Variants in UNC80 observed in about 807,000 individuals in gnomAD.
UNC80 encodes the protein unc-80 subunit of NALCN channel complex, also known as protein unc-80 homolog.
Under a neutral mutation model 384.6 loss-of-function variants are expected in UNC80, and 164 were observed. The ratio of observed to expected loss-of-function variants is 0.43; its 90% confidence interval spans 0.38 to 0.49. UNC80 has a LOEUF of 0.49. UNC80 is among the 20% of genes least tolerant of loss of function. UNC80 has a pLI of 0.00. For synonymous variants in UNC80, 1,486 were observed against 1,527.8 expected, an observed-to-expected ratio of 0.97 and a Z score of 0.64; for missense variants, 3,330 against 4,143.0, an observed-to-expected ratio of 0.80 and a Z score of 5.39.
chr2:209,902,783 A>G (rs964825853), intron 28 of UNC80, among the ~76,000 whole-genome samples: 1 of 152,210 alleles, frequency 6.6e-6, no homozygotes, highest in African/African-American at 2.4e-5. Context: ...TATAGTGTAA[A>G]CATGATTTTT....
chr2:209,950,106 A>G (rs1326653872), intron 47 of UNC80, among the ~76,000 whole-genome samples: 1 of 152,156 alleles, frequency 6.6e-6, no homozygotes, highest in Non-Finnish European at 1.5e-5. Flanking sequence ...TGCTGGGATT[A>G]CAGGCAGAGG....
chr2:209,805,621 G>C (rs910390476), intron 7 of UNC80, among the ~76,000 whole-genome samples: 1 of 152,188 alleles, frequency 6.6e-6, no homozygotes, highest in African/African-American at 2.4e-5. Context: ...TCTCCATAGG[G>C]CTGCTCATAA....
rs147831286 is a variant in UNC80, at chr2:209,991,266, C to T, written c.9315-900C>T. Among the ~76,000 whole-genome samples, 408 of 152,254 alleles carry T rather than the reference C, an allele frequency of 2.7e-3. 9 individuals carry two copies. Among genetic ancestry groups the T allele is most frequent in the Admixed American group, 0.024 (362 of 15,288 alleles). On this transcript the variant is annotated intron_variant, in intron 61 of 64. Coordinates refer to ENST00000673920, the MANE Select transcript of UNC80 (RefSeq NM_001371986.1). ...ACCATTAACCAAATAATCACATTGG[C>T]ATCATCCACAGAATTGTAATATTCT...
rs1346333943 is a variant in UNC80, at chr2:209,817,934, G to T, written c.1675G>T (p.Glu559Ter). The change falls in exon 11 of 65, where the codon GAA becomes TAA. Residue 559 changes from glutamate to a stop codon, truncating the protein, a stop_gained. Coordinates refer to ENST00000673920, the MANE Select transcript of UNC80 (RefSeq NM_001371986.1). LOFTEE classifies it high-confidence loss of function. ...DLPDPSNSHG[E>*]NTVKEVRSQI... ...GCCGGACCCCTCCAACAGCCATGGAGAAAACACCGTCAAGGAAGGTGGGTA... is the reference window on the plus strand; with the variant it reads ...GCCGGACCCCTCCAACAGCCATGGATAAAACACCGTCAAGGAAGGTGGGTA... 6.4e-7 allele frequency: 1 copy of T among 1,551,648 alleles called. No individual in the cohort carries two copies. Among genetic ancestry groups the T allele is most frequent in the Non-Finnish European group, 8.7e-7 (1 of 1,146,962 alleles).
At position 209,777,358 on chromosome 2, in the gene UNC80, G is replaced by T; in HGVS notation, c.399G>T (p.Gly133=). 1 of 1,614,198 alleles carries T rather than the reference G, an allele frequency of 6.2e-7. No individual in the cohort carries two copies. Among genetic ancestry groups the T allele is most frequent in the Non-Finnish European group, 8.5e-7 (1 of 1,180,038 alleles). ...APQDCNNERF[G]GTDRGSSWGG... ...AGGACTGCAACAATGAGCGGTTTGG[G>T]GGTACAGACCGAGGCTCCAGCTGGG... The change falls in exon 4 of 65, where the codon GGG becomes GGT. Residue 133 remains glycine, a synonymous_variant. Coordinates refer to ENST00000673920, the MANE Select transcript of UNC80 (RefSeq NM_001371986.1).
At chr2:209,967,236 T>C (rs1471251458) in intron 51 of UNC80, among the ~76,000 whole-genome samples, 3 of 152,078 alleles carry the variant, frequency 2.0e-5, no homozygotes, top group Non-Finnish European at 4.4e-5. Context: ...ATTCTATGAT[T>C]CTCTATTAAT....
At chr2:209,809,098 C>T in intron 7 of UNC80, 1 of 522,818 alleles carries the variant, frequency 1.9e-6, no homozygotes, top group South Asian at 1.9e-5. Flanking sequence ...GTCCCCCAGC[C>T]CACGTTCACA....
At chr2:209,885,235 G>C (rs375478523) in intron 25 of UNC80, among the ~76,000 whole-genome samples, 4 of 152,060 alleles carry the variant, frequency 2.6e-5, no homozygotes, top group African/African-American at 7.2e-5. Context: ...TGGGGATGAA[G>C]GTGATACAGA....
intron 52 of UNC80, 124 bp from the exon 53 acceptor site, chr2:209,969,644 T>C (rs1352861736): frequency 3.0e-6 from 4 of 1,337,968 alleles, no homozygotes; most frequent in Non-Finnish European, 4.0e-6. Flanking sequence ...TGGAACAATA[T>C]GGGTAAACTT....
chr2:209,836,972 G>T (rs1029376528), intron 18 of UNC80, among the ~76,000 whole-genome samples: 4 of 152,080 alleles, frequency 2.6e-5, no homozygotes, highest in Non-Finnish European at 5.9e-5. Flanking sequence ...AGTCATACAC[G>T]TATCATGCCA....
At chr2:209,829,862 G>C (rs148781730) in intron 15 of UNC80, among the ~76,000 whole-genome samples, 29 of 152,238 alleles carry the variant, frequency 1.9e-4, no homozygotes, top group Middle Eastern at 6.8e-3. Context: ...ACACAATTTT[G>C]ACACACACAT....
chr2:209,779,165 G>C (rs1276086902), intron 4 of UNC80, among the ~76,000 whole-genome samples: 1 of 152,116 alleles, frequency 6.6e-6, no homozygotes, highest in African/African-American at 2.4e-5. Context: ...AATAGGGACT[G>C]TCCACCTGGC....
intron 19 of UNC80, among the ~76,000 whole-genome samples, 196 bp from the exon 20 acceptor site, chr2:209,840,346 G>T (rs929512680): frequency 6.6e-6 from 1 of 152,138 alleles, no homozygotes; most frequent in Non-Finnish European, 1.5e-5. Context: ...TTTCGTCTTG[G>T]TCCCACATGC....
At position 209,777,265 on chromosome 2, in the gene UNC80, G is replaced by A; in HGVS notation, c.306G>A (p.Gln102=). 1 of 1,592,130 alleles carries A rather than the reference G, an allele frequency of 6.3e-7. No homozygotes were observed. The highest frequency in any genetic ancestry group is 8.5e-7 in the Non-Finnish European group (1 of 1,170,392). The change falls in exon 4 of 65, where the codon CAG becomes CAA. Residue 102 remains glutamine (Q), a synonymous_variant. Coordinates refer to ENST00000673920, the MANE Select transcript of UNC80 (RefSeq NM_001371986.1). ...LLSNRNKLGH[Q]DKLGVAETKL... ...TGTAATTGTCCCATGCAGGCCACCAGGATAAATTGGGTGTTGCTGAGACAA... is the reference window on the plus strand; with the variant it reads ...TGTAATTGTCCCATGCAGGCCACCAAGATAAATTGGGTGTTGCTGAGACAA...
chr2:209,986,869 A>C (rs1187798432), intron 61 of UNC80, among the ~76,000 whole-genome samples: 2 of 152,148 alleles, frequency 1.3e-5, no homozygotes, highest in Non-Finnish European at 2.9e-5. Context: ...ATTTACTAGG[A>C]GGTTGGTTTA....
At position 209,776,371 on chromosome 2, in the gene UNC80, C is replaced by T. The variant is rs182302306; in HGVS notation, c.298+326C>T. On this transcript the variant is annotated intron_variant, in intron 3 of 64. Coordinates refer to ENST00000673920, the MANE Select transcript of UNC80 (RefSeq NM_001371986.1). The stretch of plus-strand genomic sequence containing the variant: ...CCGAGGCAGGCTGATCACCTGAGGT[C>T]GGGAGTTCGAGACCAGACTAGCCAA... Among the ~76,000 whole-genome samples, 279 of 152,206 alleles carry T rather than the reference C, an allele frequency of 1.8e-3. 2 individuals are homozygous for T. Among genetic ancestry groups the T allele is most frequent in the Non-Finnish European group, 2.9e-3 (198 of 68,030 alleles).
intron 22 of UNC80, among the ~76,000 whole-genome samples, chr2:209,864,793 C>A (rs7595063): frequency 0.16 from 24,541 of 152,172 alleles, 2,608 homozygotes; most frequent in African/African-American, 0.29. Flanking sequence ...CATGTTAGGT[C>A]ATTGCGAGTC....
At chr2:209,965,348 G>A (rs1017434751) in intron 51 of UNC80, among the ~76,000 whole-genome samples, 9 of 152,116 alleles carry the variant, frequency 5.9e-5, no homozygotes, top group Non-Finnish European at 4.4e-5. Flanking sequence ...GAGGTTGAGA[G>A]ATGGGTATTT....
chr2:209,918,221 G>A (rs935769047), intron 32 of UNC80, among the ~76,000 whole-genome samples: 6 of 152,196 alleles, frequency 3.9e-5, no homozygotes, highest in African/African-American at 1.2e-4. Flanking sequence ...AAAGTCTGGG[G>A]AATTATCTTC....
Sources: gnomAD v4.1 joint callset for allele counts (sites outside exome capture counted in the v4.1 genomes callset) on GRCh38, gnomAD v4.1.1 for gene constraint, MANE v1.5 for transcripts, NCBI Gene and HGNC (gene_info 2026-07-23, HGNC 2026-07-21) for gene names.